GPHN: variants seen among roughly 807,000 people sequenced by gnomAD.
GPHN encodes gephyrin.
Under a neutral mutation model 95.5 loss-of-function variants are expected in GPHN, and 17 were observed. The ratio of observed to expected loss-of-function variants is 0.18; its 90% CI spans 0.12 to 0.27. The LOEUF (loss-of-function observed/expected upper bound fraction) is 0.27, where lower values mean the gene tolerates loss of function less well. GPHN is among the 10% of genes least tolerant of loss of function. The probability of loss-of-function intolerance (pLI) is 1.00; values close to 1 mark genes in which losing one functional copy is unlikely to be tolerated. For missense variants in GPHN, 660 were observed against 978.1 expected (o/e 0.67, Z 4.34); for synonymous variants, 320 against 322.5 (o/e 0.99, Z 0.08).
intron 9 of GPHN, among the ~76,000 whole-genome samples, chr14:66,975,291 A>G (rs1030280659): frequency 6.6e-6 from 1 of 152,232 alleles, no homozygotes; most frequent in African/African-American, 2.4e-5. Flanking sequence ...TCATCTCTTA[A>G]TCAAACTCAG....
intron 5 of GPHN, among the ~76,000 whole-genome samples, chr14:66,893,477 A>G (rs1419894476): frequency 1.3e-5 from 2 of 152,308 alleles, no homozygotes; most frequent in East Asian, 1.9e-4. Context: ...CTCTCTCACC[A>G]CTGCTATTCA....
the GPHN span, among the ~76,000 whole-genome samples, chr14:67,253,242 A>G: frequency 6.6e-6 from 1 of 152,214 alleles, no homozygotes; most frequent in Non-Finnish European, 1.5e-5. Flanking sequence ...AATGGTAGGC[A>G]TGGTGTTAGT....
Position 66,620,494 on chromosome 14 carries a change from A to G in GPHN, c.65-60613A>G, listed in dbSNP as rs771414183. Among the ~76,000 whole-genome samples the G allele has an allele frequency of 6.6e-5, 10 of 152,104 alleles. 1 individual carries two copies. The highest frequency in any genetic ancestry group is 7.2e-5 in the African/African-American group (3 of 41,408). On this transcript the variant is annotated intron_variant, in intron 1 of 22. Transcript: ENST00000478722. Reference sequence around the variant, plus strand: ...TAGAAAAACTCCCATTTTTAAAACCATCAGACCTCATGAGAACTCATTCAT... The same window carrying G: ...TAGAAAAACTCCCATTTTTAAAACCGTCAGACCTCATGAGAACTCATTCAT...
chr14:67,694,447 T>TAC, the GPHN span, among the ~76,000 whole-genome samples: 2,821 of 140,546 alleles, frequency 0.02, 42 homozygotes, highest in Middle Eastern at 0.043. Flanking sequence ...TATATATATA[T>TAC]ATATACACAC....
At chr14:67,104,397 C>T (rs1054262584) in intron 13 of GPHN, among the ~76,000 whole-genome samples, 2 of 152,140 alleles carry the variant, frequency 1.3e-5, no homozygotes, top group African/African-American at 4.8e-5. Flanking sequence ...AGAATTCCTT[C>T]CTCTTCAGTT....
chr14:66,573,972 C>T (rs148405398), intron 1 of GPHN, among the ~76,000 whole-genome samples: 233 of 152,124 alleles, frequency 1.5e-3, no homozygotes, highest in Middle Eastern at 6.8e-3. Flanking sequence ...TCCATTCAGC[C>T]GCTCTGTCTT....
the GPHN span, among the ~76,000 whole-genome samples, chr14:67,609,919 G>C: frequency 0.032 from 4,848 of 152,226 alleles, 240 homozygotes; most frequent in African/African-American, 0.11. Flanking sequence ...TCCTGGAAAC[G>C]CTGTGAGATT....
the GPHN span, among the ~76,000 whole-genome samples, chr14:67,553,974 C>T: frequency 3.3e-5 from 5 of 152,198 alleles, no homozygotes; most frequent in Non-Finnish European, 5.9e-5. Flanking sequence ...AGAGGGGGCC[C>T]TATCCATGGG....
At chr14:66,662,778 G>A (rs148685506) in intron 1 of GPHN, among the ~76,000 whole-genome samples, 110 of 152,328 alleles carry the variant, frequency 7.2e-4, no homozygotes, top group African/African-American at 2.3e-3. Flanking sequence ...GGAGAATAAC[G>A]TAAGCAACCT....
chr14:67,268,828 A>C, the GPHN span, among the ~76,000 whole-genome samples: 1 of 152,194 alleles, frequency 6.6e-6, no homozygotes, highest in Non-Finnish European at 1.5e-5. Context: ...CCTCCTGGGA[A>C]TGCAGCCCAG....
intron 1 of GPHN, among the ~76,000 whole-genome samples, chr14:66,629,850 C>T (rs2063721203): frequency 6.6e-6 from 1 of 152,134 alleles, no homozygotes; most frequent in Non-Finnish European, 1.5e-5. Flanking sequence ...TTCAATTATA[C>T]TCTATTTAAT....
the GPHN span, among the ~76,000 whole-genome samples, chr14:67,612,661 G>T: frequency 6.6e-6 from 1 of 152,278 alleles, no homozygotes; most frequent in Non-Finnish European, 1.5e-5. Context: ...AATAGGCTGG[G>T]TGCGGTAGCT....
chr14:67,020,042 CTT>C (rs1278387376), intron 9 of GPHN, among the ~76,000 whole-genome samples: 3 of 152,136 alleles, frequency 2.0e-5, no homozygotes, highest in Non-Finnish European at 2.9e-5. Flanking sequence ...ATGCATGCAT[CTT>C]TCACTGTTAA....
chr14:66,839,332 A>C (rs574598930), intron 4 of GPHN, among the ~76,000 whole-genome samples: 1 of 152,358 alleles, frequency 6.6e-6, no homozygotes, highest in Non-Finnish European at 1.5e-5. Context: ...GAATGAAGAT[A>C]ACATTATAGC....
At chr14:66,908,348 G>A (rs1044412044) in intron 5 of GPHN, among the ~76,000 whole-genome samples, 4 of 151,894 alleles carry the variant, frequency 2.6e-5, no homozygotes, top group African/African-American at 7.3e-5. Context: ...GACATCTCCC[G>A]ATGACCAAAG....
chr14:67,474,784 G>T, the GPHN span, among the ~76,000 whole-genome samples: 1 of 152,006 alleles, frequency 6.6e-6, no homozygotes, highest in Non-Finnish European at 1.5e-5. Context: ...GACTACTCTG[G>T]GTGCCTCATA....
intron 11 of GPHN, among the ~76,000 whole-genome samples, chr14:67,071,184 G>A (rs901330480): frequency 2.6e-5 from 4 of 152,076 alleles, no homozygotes; most frequent in East Asian, 1.9e-4. Context: ...TCATGCACAC[G>A]TATGTTGATT....
chr14:66,773,596 C>T (rs1242998288), intron 2 of GPHN, among the ~76,000 whole-genome samples: 1 of 152,130 alleles, frequency 6.6e-6, no homozygotes, highest in Non-Finnish European at 1.5e-5. Flanking sequence ...TCGTGATCCT[C>T]CCATCTCGGC....
the GPHN span, among the ~76,000 whole-genome samples, chr14:67,623,469 T>C: frequency 6.6e-6 from 1 of 152,108 alleles, no homozygotes; most frequent in South Asian, 2.1e-4. Flanking sequence ...GTATTTGACT[T>C]AGTGTCTGGG....
Sources: gnomAD v4.1 joint callset for allele counts (sites outside exome capture counted in the v4.1 genomes callset) on GRCh38, gnomAD v4.1.1 for gene constraint, MANE v1.5 for transcripts, NCBI Gene and HGNC (gene_info 2026-07-23, HGNC 2026-07-21) for gene names.